The following ADAMTS17 variants were observed in gnomAD, a reference collection of about 807,000 sequenced individuals.
ADAMTS17 encodes A disintegrin and metalloproteinase with thrombospondin motifs 17.
In ADAMTS17, 113 loss-of-function variants were observed where a neutral mutation model predicts 141.5. The ratio of observed to expected loss-of-function variants is 0.80; its 90% CI spans 0.69 to 0.93. The LOEUF (loss-of-function observed/expected upper bound fraction) is 0.93, where lower values mean the gene tolerates loss of function less well. Ranked by LOEUF, ADAMTS17 falls within the 40% of genes least tolerant of loss-of-function variation. ADAMTS17 has a pLI of 0.00. For synonymous variants in ADAMTS17, 768 were observed against 630.6 expected, an observed-to-expected ratio of 1.22 and a Z score of -3.27; for missense variants, 1,659 against 1,517.9, an observed-to-expected ratio of 1.09 and a Z score of -1.54.
At chr15:100,292,397 C>G (rs1171746594) in intron 3 of ADAMTS17, among the ~76,000 whole-genome samples, 1 of 137,568 alleles carries the variant, frequency 7.3e-6, no homozygotes, top group South Asian at 2.4e-4. Context: ...TGTGAAATTA[C>G]GAGAGACACT....
chr15:100,122,092 C>A (rs2141179966), intron 12 of ADAMTS17, among the ~76,000 whole-genome samples: 1 of 152,296 alleles, frequency 6.6e-6, no homozygotes. Flanking sequence ...TACTGTCTGT[C>A]CTTCACAGTA....
At chr15:100,140,418 G>A (rs1029833611) in intron 10 of ADAMTS17, among the ~76,000 whole-genome samples, 5 of 150,248 alleles carry the variant, frequency 3.3e-5, no homozygotes, top group East Asian at 1.9e-4. Flanking sequence ...TAAAAATGAC[G>A]GGACAACTCT....
chr15:100,120,116 G>C (rs1394135607), intron 12 of ADAMTS17, among the ~76,000 whole-genome samples: 1 of 152,180 alleles, frequency 6.6e-6, no homozygotes, highest in African/African-American at 2.4e-5. Context: ...GACCAACAGA[G>C]GGAATGATGT....
chr15:100,293,157 G>A (rs1165614841), intron 3 of ADAMTS17, among the ~76,000 whole-genome samples: 2 of 152,176 alleles, frequency 1.3e-5, no homozygotes, highest in African/African-American at 4.8e-5. Flanking sequence ...GGTCCAGGGA[G>A]AGTTATTATC....
intron 4 of ADAMTS17, among the ~76,000 whole-genome samples, chr15:100,274,272 G>C (rs2044007075): frequency 6.6e-6 from 1 of 152,134 alleles, no homozygotes; most frequent in Admixed American, 6.5e-5. Flanking sequence ...AGTGGGGATT[G>C]AAATCTCCAA....
At chr15:100,202,794 T>C (rs2141659178) in intron 7 of ADAMTS17, among the ~76,000 whole-genome samples, 1 of 152,334 alleles carries the variant, frequency 6.6e-6, no homozygotes, top group Admixed American at 6.5e-5. Context: ...CAGTTTTCTC[T>C]GTATTGATTT....
intron 18 of ADAMTS17, among the ~76,000 whole-genome samples, chr15:100,024,259 AT>A (rs1197669194): frequency 6.6e-6 from 1 of 152,194 alleles, no homozygotes; most frequent in Non-Finnish European, 1.5e-5. Flanking sequence ...TAACTGGCTA[AT>A]TTAAAAAATT....
intron 9 of ADAMTS17, among the ~76,000 whole-genome samples, chr15:100,153,600 C>T (rs1396184997): frequency 2.0e-5 from 3 of 152,120 alleles, no homozygotes; most frequent in Admixed American, 1.3e-4. Context: ...GCCAAGATAG[C>T]GCCACTGCAC....
intron 13 of ADAMTS17, among the ~76,000 whole-genome samples, chr15:100,114,877 G>C (rs956737794): frequency 1.3e-5 from 2 of 152,196 alleles, no homozygotes; most frequent in Admixed American, 1.3e-4. Context: ...AAGGAAAACA[G>C]AAGTTTAATC....
At chr15:100,007,064 G>A (rs1019281321) in intron 18 of ADAMTS17, among the ~76,000 whole-genome samples, 8 of 152,170 alleles carry the variant, frequency 5.3e-5, no homozygotes, top group African/African-American at 1.7e-4. Flanking sequence ...CAAACCTCAG[G>A]CAAGTGTGTG....
At chr15:100,074,323 G>A (rs1010253826) in intron 15 of ADAMTS17, 9 of 151,858 alleles carry the variant, frequency 5.9e-5, no homozygotes, top group East Asian at 1.9e-4. Flanking sequence ...AATATAATGC[G>A]GGCTTACGGT....
chr15:100,102,126 C>T (rs74037366), intron 14 of ADAMTS17, among the ~76,000 whole-genome samples: 1,807 of 152,318 alleles, frequency 0.012, 27 homozygotes, highest in African/African-American at 0.04. Context: ...TTTGGCTGCA[C>T]GGAGAACTCC....
intron 10 of ADAMTS17, among the ~76,000 whole-genome samples, chr15:100,150,928 C>T (rs956119003): frequency 6.6e-6 from 1 of 152,254 alleles, no homozygotes. Flanking sequence ...ACTGGCATCT[C>T]GGTGCCATCC....
chr15:100,037,034 T>A (rs1014579864), intron 18 of ADAMTS17, among the ~76,000 whole-genome samples: 2 of 152,236 alleles, frequency 1.3e-5, no homozygotes, highest in Non-Finnish European at 2.9e-5. Flanking sequence ...GTACAAGCTC[T>A]TGTGTGGACA....
At chr15:100,155,150 T>C (rs374987444) in intron 9 of ADAMTS17, 30 bp downstream of exon 9, 57 of 1,614,044 alleles carry the variant, frequency 3.5e-5, no homozygotes, top group Non-Finnish European at 4.5e-5. Context: ...TTTGATTGCA[T>C]TCATCCTATA....
At chr15:100,155,396 G>A in intron 8 of ADAMTS17, 76 bp from the exon 9 acceptor site, 1 of 1,562,482 alleles carries the variant, frequency 6.4e-7, no homozygotes, top group African/African-American at 1.4e-5. Context: ...AGCGGACCAT[G>A]CTAAGGTAAA....
At chr15:100,209,100 T>C (rs2041692006) in intron 7 of ADAMTS17, among the ~76,000 whole-genome samples, 1 of 104,762 alleles carries the variant, frequency 9.5e-6, no homozygotes, top group Non-Finnish European at 1.9e-5. Context: ...CATGGAAATA[T>C]TTGCCAAGTT....
chr15:99,993,375 C>A lies in ADAMTS17; in HGVS notation c.2797-175G>T, dbSNP rs557756419. ...CAGGGTCTTACGCACGTGGTCCCAGCTGGGGCCCCAGCCGAGTGGCCAGTG... is the reference window on the plus strand; with the variant it reads ...CAGGGTCTTACGCACGTGGTCCCAGATGGGGCCCCAGCCGAGTGGCCAGTG... On this transcript the variant is annotated intron_variant, in intron 19 of 21. Transcript: ENST00000268070. This position sits in a 1 kb window ranked among gnomAD's most constrained non-coding sequence, Gnocchi z 4.3. Among the ~76,000 whole-genome samples the A allele has an allele frequency of 6.6e-6, 1 of 152,310 alleles. No individual in the cohort carries two copies. Among genetic ancestry groups the A allele is most frequent in the Non-Finnish European group, 1.5e-5 (1 of 68,036 alleles).
chr15:100,086,313 T>C (rs1292139166), intron 15 of ADAMTS17, among the ~76,000 whole-genome samples: 5 of 151,228 alleles, frequency 3.3e-5, no homozygotes, highest in Non-Finnish European at 5.9e-5. Context: ...TAAATATATA[T>C]GCACCCAATA....
Sources: gnomAD v4.1 joint callset for allele counts (sites outside exome capture counted in the v4.1 genomes callset) on GRCh38, gnomAD v4.1.1 for gene constraint, Gnocchi (gnomAD v3.1) non-coding constraint, MANE v1.5 for transcripts, NCBI Gene and HGNC (gene_info 2026-07-23, HGNC 2026-07-21) for gene names.